ANKLE2: variants seen among roughly 807,000 people sequenced by gnomAD.
The protein encoded by ANKLE2 is ankyrin repeat and LEM domain-containing protein 2.
A neutral mutation model predicts 84.2 loss-of-function variants in ANKLE2; 55 were observed. That is an observed-to-expected ratio of 0.65 (90% CI 0.53 to 0.82). The LOEUF (loss-of-function observed/expected upper bound fraction) is 0.82, where lower values mean the gene tolerates loss of function less well. ANKLE2 is among the 40% of genes least tolerant of loss of function. The pLI is 0.00. For synonymous variants in ANKLE2, 551 were observed against 486.1 expected (o/e 1.13, Z -1.76); for missense variants, 1,238 against 1,201.9 (o/e 1.03, Z -0.44).
At chr12:132,731,732 G>A (rs1258987534) in intron 10 of ANKLE2, 2 of 152,218 alleles carry the variant, frequency 1.3e-5, no homozygotes, top group Admixed American at 6.5e-5. Flanking sequence ...TATAGTGTGA[G>A]CCGCCACGCC....
chr12:132,754,888 C>T lies in ANKLE2; in HGVS notation c.427G>A (p.Gly143Arg), dbSNP rs2044443439. 6.2e-7 allele frequency: 1 copy of T among 1,614,216 alleles called. No individual in the cohort carries two copies. Among genetic ancestry groups the T allele is most frequent in the Middle Eastern group, 1.6e-4 (1 of 6,062 alleles). The change falls in exon 2 of 13, where the codon GGG (glycine) becomes AGG (arginine). Residue 143 changes from glycine to arginine, a missense_variant. Transcript: ENST00000357997. ...AAACCAGCCTGATCAGTTGGGTTCC[C>T]TTCAGCTGGCTTCAAAATCCTTTGT... ...DPQRILKPAEGNPTDQAGFSE... is the reference protein window; with the variant it reads ...DPQRILKPAERNPTDQAGFSE...
intron 7 of ANKLE2, among the ~76,000 whole-genome samples, chr12:132,739,489 C>T (rs2044079081): frequency 6.6e-6 from 1 of 152,190 alleles, no homozygotes; most frequent in South Asian, 2.1e-4. Flanking sequence ...ACAGTATGTA[C>T]AGTATAGGGT....
chr12:132,750,955 C>T (rs1287362056), intron 2 of ANKLE2, 106 bp from the exon 3 acceptor site: 22 of 995,420 alleles, frequency 2.2e-5, no homozygotes, highest in South Asian at 4.5e-5. Context: ...GCTACCCAGT[C>T]GCCTGGCTTA....
intron 12 of ANKLE2, 108 bp downstream of exon 12, chr12:132,727,924 G>T: frequency 7.0e-7 from 1 of 1,433,562 alleles, no homozygotes. Flanking sequence ...TGACGGGCCT[G>T]CCAGCGTTGG....
In ANKLE2 at chr12:132,734,442, C is replaced by T. The variant is rs918144102; in HGVS notation, c.1834G>A (p.Ala612Thr). 2.5e-6 allele frequency: 4 copies of T among 1,614,110 alleles called. No individual in the cohort carries two copies. In the East Asian group the frequency reaches 8.9e-5, roughly 36 times the overall value. ...YLTQQEIGKK[A>T]QQETGEREAS... is the part of the protein sequence containing the mutation. The stretch of plus-strand genomic sequence containing the variant: ...TCCCGTTCTCCTGTTTCTTGTTGAG[C>T]CTTTTTGCCTATTTCCTGCTGTGTG... Residue 612 changes from alanine to threonine, a missense_variant, in exon 10 of 13, where the codon GCT becomes ACT. Transcript: ENST00000357997.
chr12:132,729,879 C>A lies in ANKLE2; in HGVS notation c.2283G>T (p.Gln761His). ...TPDESTKTKD[Q>H]ILTSRINAVE... ...CTGCATTGATTCTTGAAGTCAGGAT[C>A]TGATCTTTAGTTTTTGTACTTTCAT... Residue 761 changes from glutamine (Q) to histidine (H), a missense_variant, in exon 11 of 13, where the codon CAG becomes CAT. By Grantham distance (24) the Gln-to-His change is conservative. Transcript: ENST00000357997. The A allele has an allele frequency of 6.2e-7, 1 of 1,613,732 alleles. No individual in the cohort carries two copies. Among genetic ancestry groups the A allele is most frequent in the Non-Finnish European group, 8.5e-7 (1 of 1,179,894 alleles).
chr12:132,753,759 A>G (rs888251822), intron 2 of ANKLE2, among the ~76,000 whole-genome samples: 1 of 151,702 alleles, frequency 6.6e-6, no homozygotes, highest in African/African-American at 2.4e-5. Context: ...AAAACAAAAC[A>G]AAACAAAAAA....
In ANKLE2 at chr12:132,743,014, G is replaced by A. The variant is rs544526024; in HGVS notation, c.1353+140C>T. On this transcript the variant is annotated intron_variant, in intron 6 of 12. Transcript: ENST00000357997. This position sits in a 1 kb window ranked among gnomAD's most constrained non-coding sequence, Gnocchi z 4.1. ...AAAGTGCATCTTACTCAACAGCCAA[G>A]GTTCTAACATGTGCCCATAAAGCAA... 1.5e-4 allele frequency: 103 copies of A among 673,376 alleles called. 2 individuals carry two copies. The South Asian group carries it at 3.4e-3, about 22-fold the overall frequency. 41.7% of individuals were successfully genotyped at this position (673,376 alleles called of 1,614,324 possible).
rs2044287177 is a variant in ANKLE2, at chr12:132,748,467, CG to C, written c.848-137del. 7.5e-6 allele frequency: 7 copies of C among 936,068 alleles called. No individual in the cohort carries two copies. In the South Asian group the frequency reaches 9.8e-5, roughly 13 times the overall value. The allele number at this position is 936,068 out of a possible 1,614,324, so 58.0% of individuals were successfully genotyped here. ...ACTGGGAGGCACAGGTGAGAAAAGACGAGAAGGGCCCACGGCCACCGGCCCC... is the reference window on the plus strand; with the variant it reads ...ACTGGGAGGCACAGGTGAGAAAAGACAGAAGGGCCCACGGCCACCGGCCCC... On this transcript the variant is annotated intron_variant, in intron 3 of 12. Transcript: ENST00000357997.
At chr12:132,741,507 C>T in intron 6 of ANKLE2, 22 bp from the exon 7 acceptor site, 1 of 1,608,836 alleles carries the variant, frequency 6.2e-7, no homozygotes, top group Middle Eastern at 1.7e-4. Context: ...AAAAGTGTGT[C>T]TAAATCTTAT....
At chr12:132,727,891 A>C (rs1427082544) in intron 12 of ANKLE2, 141 bp downstream of exon 12, 20 of 1,204,246 alleles carry the variant, frequency 1.7e-5, no homozygotes, top group Non-Finnish European at 2.2e-5. Flanking sequence ...AGAGAGCCAC[A>C]ACACCCAAAT....
Position 132,737,037 on chromosome 12 carries a change from C to T in ANKLE2, c.1449G>A (p.Ala483=), listed in dbSNP as rs192768942. The change falls in exon 8 of 13, where the codon GCG becomes GCA. Residue 483 remains alanine (A), a synonymous_variant. Transcript: ENST00000357997. ...KGHYYVPLLR[A]EETSSPVIGE... ...CGATGACTGGAGAAGAAGTCTCTTC[C>T]GCTCTCAGGAGGGGCACGTAGTAGT... 17 of 1,608,142 alleles carry T rather than the reference C, an allele frequency of 1.1e-5. No homozygotes were observed. The highest frequency in any genetic ancestry group is 6.7e-5 in the East Asian group (3 of 44,698).
rs1461757920 is a variant in ANKLE2, at chr12:132,754,717, A to G, written c.598T>C (p.Tyr200His). 19 of 1,613,906 alleles carry G rather than the reference A, an allele frequency of 1.2e-5. No individual in the cohort carries two copies. Among genetic ancestry groups the G allele is most frequent in the Non-Finnish European group, 1.6e-5 (19 of 1,179,946 alleles). ...TCCTCATACACTGGACACACCCCAT[A>G]GTACAGGGGCGGCTCCTTAGACGCA... Reference protein sequence around the residue: ...ATASKEPPLYYGVCPVYEDVP... With the variant: ...ATASKEPPLYHGVCPVYEDVP... The change falls in exon 2 of 13, where the codon TAT becomes CAT. Residue 200 changes from tyrosine (Y) to histidine (H), a missense_variant. Around this residue, in one of 3 missense-constraint regions of ANKLE2, gnomAD observed 422 missense variants for 394.5 expected, o/e 1.07. Transcript: ENST00000357997.
chr12:132,732,042 G>A (rs1335360510), intron 10 of ANKLE2: 5 of 118,456 alleles, frequency 4.2e-5, no homozygotes, highest in African/African-American at 1.7e-4. Flanking sequence ...CTCTCTGCAT[G>A]CTGGTGTCTG....
At position 132,761,546 on chromosome 12, in the gene ANKLE2, C is replaced by T. The variant is rs1442375507; in HGVS notation, c.181+72G>A. On this transcript the variant is annotated intron_variant, in intron 1 of 12. Transcript: ENST00000357997. ...CGGCTCCAGGGGCGCGGCCGGGACC[C>T]CAGGCCCGAGGAGGGCGTCGGGGCG... 10 of 1,162,102 alleles carry T rather than the reference C, an allele frequency of 8.6e-6. No individual in the cohort carries two copies. In the African/African-American group the frequency reaches 1.6e-4, roughly 19 times the overall value. The allele number at this position is 1,162,102 out of a possible 1,614,324, so 72.0% of individuals were successfully genotyped here.
At chr12:132,752,011 T>C (rs529567946) in intron 2 of ANKLE2, among the ~76,000 whole-genome samples, 3 of 152,246 alleles carry the variant, frequency 2.0e-5, no homozygotes, top group South Asian at 2.1e-4. Flanking sequence ...TTATGAACAA[T>C]GTAACAGACG....
intron 7 of ANKLE2, among the ~76,000 whole-genome samples, chr12:132,739,078 G>A (rs932327818): frequency 3.3e-5 from 5 of 152,270 alleles, no homozygotes; most frequent in African/African-American, 1.2e-4. Context: ...CACAAAGAAG[G>A]AACAAGAAGT....
At chr12:132,741,973 C>G (rs146071612) in intron 6 of ANKLE2, 3 of 374,836 alleles carry the variant, frequency 8.0e-6, no homozygotes, top group South Asian at 5.8e-5. Context: ...TGCAGCAATA[C>G]GAACTTTTGC....
In ANKLE2 at chr12:132,736,854, A is replaced by T. The variant is rs199750031; in HGVS notation, c.1593+39T>A. 2.9e-4 allele frequency: 460 copies of T among 1,567,348 alleles called. 3 individuals are homozygous for T. In the African/African-American group the frequency reaches 5.4e-3, roughly 18 times the overall value. ...ACACCCAGCAGCACAGTATAGGGAC[A>T]GCCAGGCACCACTTCCAGAAGCTTC... On this transcript the variant is annotated intron_variant, in intron 8 of 12. Transcript: ENST00000357997.
Sources: gnomAD v4.1 joint callset for allele counts (sites outside exome capture counted in the v4.1 genomes callset) on GRCh38, gnomAD v4.1.1 for gene constraint, gnomAD v4.1.1 regional missense constraint, Gnocchi (gnomAD v3.1) non-coding constraint, MANE v1.5 for transcripts, NCBI Gene and HGNC (gene_info 2026-07-23, HGNC 2026-07-21) for gene names.